EPN2: variants seen among roughly 807,000 people sequenced by gnomAD.
EPN2 encodes epsin 2.
In EPN2, 34 loss-of-function variants were observed where a neutral mutation model predicts 61.7. That is an observed-to-expected ratio of 0.55 (90% CI 0.42 to 0.73). The LOEUF (loss-of-function observed/expected upper bound fraction) is 0.73. Among genes scored for constraint, EPN2 ranks in the 30% least tolerant of loss-of-function variants. The probability of loss-of-function intolerance (pLI) is 0.00; values close to 1 mark genes in which losing one functional copy is unlikely to be tolerated. For missense variants in EPN2, 714 were observed against 839.2 expected (o/e 0.85, Z 1.84); for synonymous variants, 349 against 353.6 (o/e 0.99, Z 0.15).
At chr17:19,247,878 AGGG>A (rs1239562325) in intron 1 of EPN2, among the ~76,000 whole-genome samples, 3 of 152,182 alleles carry the variant, frequency 2.0e-5, no homozygotes, top group Admixed American at 2.0e-4. Context: ...TAGGGAGTAA[AGGG>A]GGCCTCAGTG....
At chr17:19,310,079 A>G in intron 5 of EPN2, 82 bp downstream of exon 5, 1 of 947,210 alleles carries the variant, frequency 1.1e-6, no homozygotes, top group Non-Finnish European at 1.7e-6. Context: ...AAGATGGCAG[A>G]CACAGCCCTG....
At chr17:19,238,709 T>G (rs532924128) in intron 1 of EPN2, among the ~76,000 whole-genome samples, 1 of 152,288 alleles carries the variant, frequency 6.6e-6, no homozygotes, top group South Asian at 2.1e-4. Context: ...TTTTTTATCT[T>G]TTAGGGAGAT....
chr17:19,332,572 A>T (rs1015699656), intron 10 of EPN2, among the ~76,000 whole-genome samples: 1 of 152,114 alleles, frequency 6.6e-6, no homozygotes, highest in African/African-American at 2.4e-5. Flanking sequence ...CAGCTGTTCA[A>T]TTGGGTATCC....
intron 5 of EPN2, 36 bp from the exon 6 acceptor site, chr17:19,312,016 T>A (rs1335598402): frequency 7.3e-7 from 1 of 1,365,392 alleles, no homozygotes; most frequent in South Asian, 1.2e-5. Flanking sequence ...TACAGTGATG[T>A]TATTACAATT....
intron 1 of EPN2, among the ~76,000 whole-genome samples, chr17:19,248,659 T>A (rs1208451598): frequency 2.0e-5 from 3 of 152,246 alleles, no homozygotes; most frequent in Non-Finnish European, 4.4e-5. Flanking sequence ...CCACTTCATT[T>A]ATTCTTTACT....
chr17:19,315,430 G>C (rs1906339934), intron 7 of EPN2, among the ~76,000 whole-genome samples: 1 of 152,146 alleles, frequency 6.6e-6, no homozygotes, highest in African/African-American at 2.4e-5. Context: ...TAGGAATGCT[G>C]CCCATGTGAA....
intron 1 of EPN2, among the ~76,000 whole-genome samples, chr17:19,256,050 G>T (rs920838660): frequency 8.6e-5 from 13 of 151,920 alleles, no homozygotes; most frequent in Non-Finnish European, 1.9e-4. Flanking sequence ...CCATTCTCCT[G>T]CCTCAGCCTC....
At chr17:19,297,907 G>T (rs529102690) in intron 4 of EPN2, among the ~76,000 whole-genome samples, 12 of 151,488 alleles carry the variant, frequency 7.9e-5, no homozygotes, top group African/African-American at 2.4e-4. Flanking sequence ...TTGTTTTTTT[G>T]AGACAGAGTC....
chr17:19,334,378 C>G lies in EPN2; in HGVS notation c.*124C>G. 1 of 770,460 alleles carries G rather than the reference C, an allele frequency of 1.3e-6. No individual in the cohort carries two copies. The highest frequency in any genetic ancestry group is 4.0e-5 in the South Asian group (1 of 24,856). The allele number at this position is 770,460 out of a possible 1,614,324, so 47.7% of individuals were successfully genotyped here. A position where few individuals can be genotyped will look rare whatever the true frequency, so the allele number is the denominator to read the frequency against. On this transcript the variant is annotated 3_prime_UTR_variant, in exon 11 of 11. Coordinates refer to ENST00000314728, the MANE Select transcript of EPN2 (RefSeq NM_014964.5). This position sits in a 1 kb window ranked among gnomAD's most constrained non-coding sequence, Gnocchi z 4.9. ...TATTAGGGCTTTTCAGCTCCAGCTTCCTGATGAAAGGGCTGTCTTTACAGC... is the reference window on the plus strand; with the variant it reads ...TATTAGGGCTTTTCAGCTCCAGCTTGCTGATGAAAGGGCTGTCTTTACAGC...
chr17:19,255,111 T>C (rs1353407580), intron 1 of EPN2, among the ~76,000 whole-genome samples: 1 of 152,190 alleles, frequency 6.6e-6, no homozygotes, highest in Non-Finnish European at 1.5e-5. Context: ...CTTTGAGAGA[T>C]GCAGTAAGAA....
chr17:19,283,788 GGC>G lies in EPN2; in HGVS notation c.595+75_595+76del. The G allele has an allele frequency of 8.5e-7, 1 of 1,173,420 alleles. No individual in the cohort carries two copies. The highest frequency in any genetic ancestry group is 1.2e-6 in the Non-Finnish European group (1 of 853,866). The allele number at this position is 1,173,420 out of a possible 1,614,324, so 72.7% of individuals were successfully genotyped here. ...GTGACAGGCAGGGTGGGTGTCTCTG[GGC>G]TTAGGGAGTGGTGGCCACTGCAGAG... On this transcript the variant is annotated intron_variant, in intron 3 of 10. Transcript: ENST00000314728. This position sits in a 1 kb window ranked among gnomAD's most constrained non-coding sequence, Gnocchi z 7.0.
intron 1 of EPN2, among the ~76,000 whole-genome samples, chr17:19,241,051 C>G (rs1003567716): frequency 9.2e-5 from 14 of 152,098 alleles, no homozygotes; most frequent in Admixed American, 6.6e-5. Context: ...GTTACATGCT[C>G]GAGGTCGCGC....
At chr17:19,298,255 C>T (rs1021276806) in intron 4 of EPN2, among the ~76,000 whole-genome samples, 1 of 152,164 alleles carries the variant, frequency 6.6e-6, no homozygotes, top group Non-Finnish European at 1.5e-5. Context: ...AGTGCAATGG[C>T]ACGATTTCTG....
At chr17:19,321,753 G>C (rs1228663228) in intron 7 of EPN2, among the ~76,000 whole-genome samples, 12 of 152,166 alleles carry the variant, frequency 7.9e-5, no homozygotes, top group Non-Finnish European at 5.9e-5. Flanking sequence ...GGGCAGTGAG[G>C]AAGGCATGTT....
chr17:19,295,370 G>GCGCGCGCGCA (rs1227756316), intron 4 of EPN2, among the ~76,000 whole-genome samples: 1 of 129,902 alleles, frequency 7.7e-6, no homozygotes, highest in Non-Finnish European at 1.6e-5. Flanking sequence ...ACACACACGC[G>GCGCGCGCGCA]CGTGCGCGCA....
intron 1 of EPN2, among the ~76,000 whole-genome samples, chr17:19,252,532 T>A (rs1321325391): frequency 1.3e-5 from 2 of 152,206 alleles, no homozygotes; most frequent in East Asian, 3.8e-4. Context: ...TTCACTTTAT[T>A]GGAAAATGCT....
At chr17:19,282,875 C>A in intron 2 of EPN2, 75 bp from the exon 3 acceptor site, 1 of 453,368 alleles carries the variant, frequency 2.2e-6, no homozygotes, top group Non-Finnish European at 3.9e-6. Flanking sequence ...TTACCCAGTA[C>A]CTGCTGCTGG....
At chr17:19,253,793 C>T (rs1041481493) in intron 1 of EPN2, among the ~76,000 whole-genome samples, 1 of 152,064 alleles carries the variant, frequency 6.6e-6, no homozygotes, top group Non-Finnish European at 1.5e-5. Context: ...TGTGAGAGGG[C>T]AAGACAGTGA....
chr17:19,239,858 TG>T (rs1165236156), intron 1 of EPN2, among the ~76,000 whole-genome samples: 6 of 152,328 alleles, frequency 3.9e-5, no homozygotes, highest in African/African-American at 1.4e-4. Context: ...TATGCAGCCT[TG>T]AAAAATGACC....
Sources: gnomAD v4.1 joint callset for allele counts (sites outside exome capture counted in the v4.1 genomes callset) on GRCh38, gnomAD v4.1.1 for gene constraint, Gnocchi (gnomAD v3.1) non-coding constraint, MANE v1.5 for transcripts, NCBI Gene and HGNC (gene_info 2026-07-23, HGNC 2026-07-21) for gene names.